PSD2: variants seen among roughly 807,000 people sequenced by gnomAD.
The protein encoded by PSD2 is PH and SEC7 domain-containing protein 2.
Under a neutral mutation model 69.8 loss-of-function variants are expected in PSD2, and 38 were observed. That is an observed-to-expected ratio of 0.54 (90% CI 0.42 to 0.71). The LOEUF is 0.71. Among genes scored for constraint, PSD2 ranks in the 30% least tolerant of loss-of-function variants. The pLI, the probability that PSD2 is intolerant of heterozygous loss-of-function variation, is 0.00. For missense variants in PSD2, 943 were observed against 1,014.5 expected, an observed-to-expected ratio of 0.93 and a Z score of 0.96; for synonymous variants, 412 against 423.0, an observed-to-expected ratio of 0.97 and a Z score of 0.32.
At chr5:139,768,695 C>T in the PSD2 span, among the ~76,000 whole-genome samples, 12 of 151,358 alleles carry the variant, frequency 7.9e-5, no homozygotes, top group South Asian at 4.2e-4. Flanking sequence ...TGCACTCCAG[C>T]CTGGGCAACA....
At chr5:139,747,738 A>T in the PSD2 span, among the ~76,000 whole-genome samples, 2 of 152,216 alleles carry the variant, frequency 1.3e-5, no homozygotes, top group Non-Finnish European at 2.9e-5. This position sits in a 1 kb window ranked among gnomAD's most constrained non-coding sequence, Gnocchi z 6.7. Context: ...TTTCACAGCC[A>T]TCTGCTCGAG....
chr5:139,834,983 A>G (rs1360123510), intron 8 of PSD2, among the ~76,000 whole-genome samples: 2 of 150,890 alleles, frequency 1.3e-5, no homozygotes, highest in Non-Finnish European at 3.0e-5. Flanking sequence ...CACTCCTCGC[A>G]TAGCAACCAC....
At chr5:139,823,272 T>C (rs991908208) in intron 7 of PSD2, among the ~76,000 whole-genome samples, 1 of 152,194 alleles carries the variant, frequency 6.6e-6, no homozygotes, top group South Asian at 2.1e-4. Context: ...CTTTCCTCTA[T>C]CTGCTCCGGG....
At chr5:139,818,566 A>T (rs1046931332) in intron 5 of PSD2, among the ~76,000 whole-genome samples, 3 of 152,152 alleles carry the variant, frequency 2.0e-5, no homozygotes, top group African/African-American at 7.2e-5. Flanking sequence ...ACAAACAAAC[A>T]AAAACCACAT....
chr5:139,783,251 A>G, the PSD2 span, among the ~76,000 whole-genome samples: 1 of 152,076 alleles, frequency 6.6e-6, no homozygotes, highest in Admixed American at 6.6e-5. Context: ...CTTGGTCAAC[A>G]TAGTAAGACC....
In PSD2 at chr5:139,814,040, G is replaced by T. The variant is rs781361057; in HGVS notation, c.822-130G>T. ...AAGTCTGATTTCATTCCCTCCGGCT[G>T]CAGTGGAGCTTCTTTCCCTGTTCTG... On this transcript the variant is annotated intron_variant, in intron 3 of 14. Coordinates refer to ENST00000274710, the MANE Select transcript of PSD2 (RefSeq NM_032289.4). The surrounding 1 kb of genome is among the most constrained non-coding windows in gnomAD (Gnocchi z 4.4). The T allele has an allele frequency of 1.2e-6, 1 of 856,824 alleles. No individual in the cohort carries two copies. The highest frequency in any genetic ancestry group is 1.9e-6 in the Non-Finnish European group (1 of 537,858). The allele number at this position is 856,824 out of a possible 1,614,324, so 53.1% of individuals were successfully genotyped here.
chr5:139,784,086 C>T, the PSD2 span, among the ~76,000 whole-genome samples: 3 of 151,722 alleles, frequency 2.0e-5, no homozygotes, highest in East Asian at 5.8e-4. Flanking sequence ...GAACTACAGG[C>T]ACGCACCACC....
intron 4 of PSD2, among the ~76,000 whole-genome samples, chr5:139,815,556 A>G (rs1760099507): frequency 6.6e-6 from 1 of 151,876 alleles, no homozygotes; most frequent in Non-Finnish European, 1.5e-5. Context: ...CCCCACACCA[A>G]CTTCAGAAAC....
chr5:139,793,578 G>A (rs538634633), upstream of PSD2, among the ~76,000 whole-genome samples: 32 of 152,292 alleles, frequency 2.1e-4, no homozygotes, highest in African/African-American at 3.4e-4. Flanking sequence ...CCAGCCCAGC[G>A]CAAGTTAGCT....
intron 2 of PSD2, 53 bp from the exon 3 acceptor site, chr5:139,813,256 C>A: frequency 6.9e-7 from 1 of 1,442,784 alleles, no homozygotes; most frequent in Non-Finnish European, 9.3e-7. Flanking sequence ...GTCACCAGCA[C>A]CTGTATGGGG....
At chr5:139,817,445 C>T in intron 4 of PSD2, 36 bp from the exon 5 acceptor site, 1 of 1,586,606 alleles carries the variant, frequency 6.3e-7, no homozygotes, top group Non-Finnish European at 8.7e-7. Context: ...TGGGCTGGAC[C>T]CTGCTTCTAA....
At position 139,809,480 on chromosome 5, in the gene PSD2, G is replaced by A. The variant is rs778566667; in HGVS notation, c.40G>A (p.Gly14Ser). 1.5e-5 allele frequency: 24 copies of A among 1,612,660 alleles called. No homozygotes were observed. The highest frequency in any genetic ancestry group is 1.7e-4 in the Middle Eastern group (1 of 5,924). ...GCTCTTATCTGCAGTGCCTGAGGAA[G>A]GCGATGCCACCCGTGACCCCGGTCC... ...DKLLSAVPEE[G>S]DATRDPGPEP... Residue 14 changes from glycine (G) to serine (S), a missense_variant, in exon 2 of 15, where the codon GGC becomes AGC. By Grantham distance (56) the Gly-to-Ser change is moderately conservative (BLOSUM62 0). Around this residue, in one of 3 missense-constraint regions of PSD2, gnomAD observed 466 missense variants for 445.0 expected, o/e 1.05. Transcript: ENST00000274710.
the PSD2 span, among the ~76,000 whole-genome samples, chr5:139,759,813 C>G: frequency 3.3e-5 from 5 of 152,234 alleles, no homozygotes; most frequent in Non-Finnish European, 7.3e-5. Flanking sequence ...AGAGGATGGC[C>G]GCCTGGGCAC....
intron 1 of PSD2, among the ~76,000 whole-genome samples, chr5:139,798,547 A>T (rs1759589692): frequency 1.3e-5 from 2 of 151,852 alleles, no homozygotes. Context: ...CTCCCACCTT[A>T]CTTTTTATCT....
intron 3 of PSD2, among the ~76,000 whole-genome samples, 186 bp from the exon 4 acceptor site, chr5:139,813,984 T>C (rs1392370095): frequency 6.6e-6 from 1 of 152,220 alleles, no homozygotes; most frequent in Non-Finnish European, 1.5e-5. Context: ...CAGGGAACTA[T>C]GCTGTGAGTT....
In PSD2 at chr5:139,837,051, G is replaced by A. The variant is rs59389026; in HGVS notation, c.1594+50G>A. On this transcript the variant is annotated intron_variant, in intron 10 of 14. Coordinates refer to ENST00000274710, the MANE Select transcript of PSD2 (RefSeq NM_032289.4). This position sits in a 1 kb window ranked among gnomAD's most constrained non-coding sequence, Gnocchi z 5.0. Reference sequence around the variant, plus strand: ...CATGGGAGGGAGGCTGGCACAGAGGGGGGCGCCACGGGCCACTCTTTGGGG... The same window carrying A: ...CATGGGAGGGAGGCTGGCACAGAGGAGGGCGCCACGGGCCACTCTTTGGGG... 6.9e-4 allele frequency: 1,108 copies of A among 1,595,898 alleles called. 31 individuals are homozygous for A. The East Asian group carries it at 0.025, about 35-fold the overall frequency.
chr5:139,813,600 C>T lies in PSD2; in HGVS notation c.663C>T (p.Pro221=). The T allele has an allele frequency of 6.2e-7, 1 of 1,614,004 alleles. No homozygotes were observed. The highest frequency in any genetic ancestry group is 1.1e-5 in the South Asian group (1 of 91,074). ...GTGGTGATGGGGAGCTGGGCAGCCC[C>T]CTGCGGCGCTCCATCTCCAGCAGCC... ...AAGGDGELGS[P]LRRSISSSRS... The change falls in exon 3 of 15, where the codon CCC becomes CCT. Residue 221 remains proline (P), a synonymous_variant. Coordinates refer to ENST00000274710, the MANE Select transcript of PSD2 (RefSeq NM_032289.4).
the PSD2 span, among the ~76,000 whole-genome samples, chr5:139,748,727 G>A: frequency 6.6e-6 from 1 of 152,242 alleles, no homozygotes; most frequent in South Asian, 2.1e-4. Flanking sequence ...CCCCCGGCCC[G>A]TCCTCCTAGG....
At chr5:139,748,925 AG>A in the PSD2 span, among the ~76,000 whole-genome samples, 2 of 149,580 alleles carry the variant, frequency 1.3e-5, no homozygotes, top group African/African-American at 5.0e-5. Flanking sequence ...GTGAATACAT[AG>A]GGGTGGGTGT....
Sources: gnomAD v4.1 joint callset for allele counts (sites outside exome capture counted in the v4.1 genomes callset) on GRCh38, gnomAD v4.1.1 for gene constraint, gnomAD v4.1.1 regional missense constraint, Gnocchi (gnomAD v3.1) non-coding constraint, MANE v1.5 for transcripts, NCBI Gene and HGNC (gene_info 2026-07-23, HGNC 2026-07-21) for gene names.